HPSE2: variants seen among roughly 807,000 people sequenced by gnomAD.
The protein encoded by HPSE2 is heparanase 2 (inactive).
A neutral mutation model predicts 60.5 loss-of-function variants in HPSE2; 38 were observed. The observed-to-expected ratio is 0.63, with a 90% CI of 0.48 to 0.82. HPSE2 has a LOEUF of 0.82. Ranked by LOEUF, HPSE2 falls within the 40% of genes least tolerant of loss-of-function variation. The pLI is 0.00. For missense variants in HPSE2, 713 were observed against 740.4 expected (o/e 0.96, Z 0.43); for synonymous variants, 295 against 293.2 (o/e 1.01, Z -0.06).
chr10:99,150,168 T>C (rs12571106), intron 2 of HPSE2, among the ~76,000 whole-genome samples: 1 of 152,210 alleles, frequency 6.6e-6, no homozygotes. Flanking sequence ...CAATTTATTG[T>C]CTATAATTAT....
intron 9 of HPSE2, among the ~76,000 whole-genome samples, chr10:98,569,011 G>A (rs1944423466): frequency 6.6e-6 from 1 of 151,664 alleles, no homozygotes; most frequent in Admixed American, 6.6e-5. Context: ...CTTTAAAAGT[G>A]TAAATTTTAT....
intron 9 of HPSE2, among the ~76,000 whole-genome samples, chr10:98,600,867 GTATATATGTATATATACA>G (rs1945385214): frequency 1.3e-5 from 1 of 79,258 alleles, no homozygotes; most frequent in Non-Finnish European, 2.9e-5. Context: ...ATATATATAC[GTATATATGTATATATACA>G]TATATACGTA....
At chr10:98,920,717 T>C (rs778468650) in intron 3 of HPSE2, among the ~76,000 whole-genome samples, 1 of 152,198 alleles carries the variant, frequency 6.6e-6, no homozygotes, top group Non-Finnish European at 1.5e-5. Flanking sequence ...AAACTTCCCA[T>C]AAAAACTGGA....
chr10:99,159,700 A>T (rs1463456751), intron 2 of HPSE2, among the ~76,000 whole-genome samples: 1 of 152,214 alleles, frequency 6.6e-6, no homozygotes, highest in African/African-American at 2.4e-5. Flanking sequence ...CTAAAGCTAT[A>T]AATTTTCTAG....
At chr10:98,466,472 G>A (rs11189624) in intron 11 of HPSE2, among the ~76,000 whole-genome samples, 6,834 of 152,110 alleles carry the variant, frequency 0.045, 191 homozygotes, top group African/African-American at 0.07. Context: ...ATTAACGGGC[G>A]TGGTGGTAGG....
At chr10:98,810,703 G>GA (rs1377350370) in intron 3 of HPSE2, among the ~76,000 whole-genome samples, 2 of 151,890 alleles carry the variant, frequency 1.3e-5, no homozygotes, top group Admixed American at 1.3e-4. Flanking sequence ...GGAAGAAGAA[G>GA]AATTGTCTTG....
chr10:99,227,837 C>A (rs7913056), intron 2 of HPSE2, among the ~76,000 whole-genome samples: 5 of 142,322 alleles, frequency 3.5e-5, no homozygotes, highest in South Asian at 2.2e-4. Flanking sequence ...AGTTGAATGT[C>A]TATATATATA....
chr10:98,734,196 C>T (rs1252496473), intron 4 of HPSE2, among the ~76,000 whole-genome samples: 1 of 151,918 alleles, frequency 6.6e-6, no homozygotes. Flanking sequence ...CTTCATTTTG[C>T]AGCACATAGT....
At chr10:98,825,771 T>C (rs1241275279) in intron 3 of HPSE2, among the ~76,000 whole-genome samples, 3 of 152,186 alleles carry the variant, frequency 2.0e-5, no homozygotes, top group Non-Finnish European at 4.4e-5. Flanking sequence ...AGAAAATTTA[T>C]CTCACTTAAG....
chr10:99,108,397 T>C (rs1476271914), intron 3 of HPSE2, among the ~76,000 whole-genome samples: 1 of 151,714 alleles, frequency 6.6e-6, no homozygotes, highest in Non-Finnish European at 1.5e-5. Context: ...GAAGACACTG[T>C]TTAGAAAAAA....
Position 98,566,283 on chromosome 10 carries a change from C to T in HPSE2, c.1320+48621G>A, listed in dbSNP as rs149616286. 1.7e-3 allele frequency among the ~76,000 whole-genome samples: 254 copies of T among 152,300 alleles called. 1 individual carries two copies. The highest frequency in any genetic ancestry group is 5.9e-3 in the African/African-American group (247 of 41,554). ...GCTAGGATGATGACCTAGGACTTGG[C>T]TCTGACTGCTCTTTTCACAAACTGC... On this transcript the variant is annotated intron_variant, in intron 9 of 11. Transcript: ENST00000370552.
chr10:98,942,505 G>A (rs943712078), intron 3 of HPSE2, among the ~76,000 whole-genome samples: 2 of 151,640 alleles, frequency 1.3e-5, no homozygotes, highest in African/African-American at 4.9e-5. Context: ...GGCCATCAGA[G>A]AAATGCAAAT....
chr10:99,158,828 TTAA>T (rs527655239), intron 2 of HPSE2, among the ~76,000 whole-genome samples: 194 of 151,756 alleles, frequency 1.3e-3, no homozygotes, highest in African/African-American at 4.3e-3. Context: ...TTTAAGAATC[TTAA>T]TAATCCATTT....
chr10:99,084,565 G>C (rs1278607781), intron 3 of HPSE2, among the ~76,000 whole-genome samples: 2 of 152,140 alleles, frequency 1.3e-5, no homozygotes, highest in Non-Finnish European at 2.9e-5. Context: ...GCCACAGTGA[G>C]TTTCCCTGGG....
At chr10:99,244,376 ATTTCT>A in the HPSE2 span, among the ~76,000 whole-genome samples, 2,373 of 111,542 alleles carry the variant, frequency 0.021, 25 homozygotes, top group Non-Finnish European at 0.026. Flanking sequence ...TTTTATTTTT[ATTTCT>A]TTTATTATTA....
chr10:99,034,382 G>A (rs1214349382), intron 3 of HPSE2, among the ~76,000 whole-genome samples: 2 of 152,156 alleles, frequency 1.3e-5, no homozygotes, highest in African/African-American at 2.4e-5. Flanking sequence ...GGTACCATGA[G>A]GAAATTTAGT....
At chr10:98,566,165 G>A (rs1044359989) in intron 9 of HPSE2, among the ~76,000 whole-genome samples, 1 of 152,282 alleles carries the variant, frequency 6.6e-6, no homozygotes, top group Middle Eastern at 3.4e-3. Context: ...CCTGTGAGGC[G>A]GTTAGTGAAG....
chr10:98,571,636 C>CAGAT (rs60701963), intron 9 of HPSE2, among the ~76,000 whole-genome samples: 128,791 of 151,812 alleles, frequency 0.85, 55,919 homozygotes, highest in East Asian at 1. Context: ...TTACTTACTC[C>CAGAT]AGATACTGGA....
intron 3 of HPSE2, among the ~76,000 whole-genome samples, chr10:99,029,959 C>T (rs577986601): frequency 1.3e-4 from 20 of 152,302 alleles, no homozygotes; most frequent in Admixed American, 8.5e-4. Flanking sequence ...TGCCTGGCAA[C>T]GGGCATCTTC....
Sources: gnomAD v4.1 joint callset for allele counts (sites outside exome capture counted in the v4.1 genomes callset) on GRCh38, gnomAD v4.1.1 for gene constraint, MANE v1.5 for transcripts, NCBI Gene and HGNC (gene_info 2026-07-23, HGNC 2026-07-21) for gene names.